Variants in MTMR9 observed in about 807,000 individuals in gnomAD.
MTMR9 encodes myotubularin related protein 9.
Under a neutral mutation model 69.5 loss-of-function variants are expected in MTMR9, and 39 were observed. The observed-to-expected ratio is 0.56, with a 90% CI of 0.43 to 0.73. MTMR9 has a LOEUF of 0.73. Ranked by LOEUF, MTMR9 falls within the 30% of genes least tolerant of loss-of-function variation. The pLI, the probability that MTMR9 is intolerant of heterozygous loss-of-function variation, is 0.00. For missense variants in MTMR9, 900 were observed against 671.2 expected, an observed-to-expected ratio of 1.34 and a Z score of -3.77; for synonymous variants, 354 against 240.8, an observed-to-expected ratio of 1.47 and a Z score of -4.35.
intron 9 of MTMR9, chr8:11,321,229 T>C: frequency 2.9e-6 from 1 of 342,798 alleles, no homozygotes; most frequent in Non-Finnish European, 5.8e-6. Flanking sequence ...GTTCTGGGTG[T>C]GAGCTTTAGT....
chr8:11,329,571 C>T (rs530401432), downstream of MTMR9, among the ~76,000 whole-genome samples: 14 of 152,394 alleles, frequency 9.2e-5, no homozygotes, highest in African/African-American at 3.1e-4. Flanking sequence ...CAGCCTCGGC[C>T]TCCTGAGGTG....
intron 3 of MTMR9, among the ~76,000 whole-genome samples, chr8:11,302,599 G>A (rs1054096505): frequency 1.6e-4 from 24 of 152,144 alleles, no homozygotes; most frequent in Non-Finnish European, 2.8e-4. Context: ...ATCTGATAAA[G>A]GATGGGTACC....
intron 3 of MTMR9, among the ~76,000 whole-genome samples, chr8:11,301,709 A>G (rs888628546): frequency 5.3e-5 from 8 of 151,110 alleles, no homozygotes; most frequent in African/African-American, 2.0e-4. Flanking sequence ...TGTGTAGTCA[A>G]AATGGATTCA....
At chr8:11,329,651 T>A (rs186778325), downstream of MTMR9, among the ~76,000 whole-genome samples, 1,525 of 152,312 alleles carry the variant, frequency 0.01, 24 homozygotes, top group African/African-American at 0.034. Flanking sequence ...AGTGGCGTGA[T>A]CTCGGCTCGC....
chr8:11,296,486 C>T (rs1287484642), intron 2 of MTMR9, among the ~76,000 whole-genome samples: 1 of 152,128 alleles, frequency 6.6e-6, no homozygotes, highest in Non-Finnish European at 1.5e-5. Flanking sequence ...AGCAGATCTC[C>T]AGGACTTTTT....
downstream of MTMR9, among the ~76,000 whole-genome samples, chr8:11,330,253 C>A (rs1228753908): frequency 6.7e-6 from 1 of 149,050 alleles, no homozygotes; most frequent in East Asian, 2.1e-4. Context: ...GGTGGAGGGT[C>A]AGCCCCCCAC....
chr8:11,296,708 C>G (rs745374543), intron 2 of MTMR9, among the ~76,000 whole-genome samples: 2 of 152,074 alleles, frequency 1.3e-5, no homozygotes, highest in Non-Finnish European at 2.9e-5. Flanking sequence ...GTTGTAAATT[C>G]TGACTTTTTA....
chr8:11,294,919 C>T (rs1002657824), intron 1 of MTMR9: 2 of 210,366 alleles, frequency 9.5e-6, no homozygotes, highest in African/African-American at 4.7e-5. Context: ...AGATCTTTTT[C>T]CTATTCTTTG....
At chr8:11,333,425 G>A in the MTMR9 span, among the ~76,000 whole-genome samples, 1 of 152,118 alleles carries the variant, frequency 6.6e-6, no homozygotes, top group African/African-American at 2.4e-5. Context: ...AAAAAATAAG[G>A]GAGAAATTAA....
chr8:11,314,886 A>G (rs767655482), intron 6 of MTMR9, 37 bp from the exon 7 acceptor site: 2 of 1,604,194 alleles, frequency 1.2e-6, no homozygotes, highest in Non-Finnish European at 1.7e-6. Context: ...CATGTTGGAC[A>G]TTTCCCATTT....
At position 11,295,300 on chromosome 8, in the gene MTMR9, G is replaced by C. The variant is rs1563267795; in HGVS notation, c.289G>C (p.Glu97Gln). ...ATGCTTGAATATAGCCAGTTCCATT[G>C]AGGTAAGTATTTTGGAAGCAAAATC... ...EECLNIASSI[E>Q]ALSTLDSITL... The change falls in exon 2 of 10, where the codon GAG (glutamate) becomes CAG (glutamine). Residue 97 changes from glutamate to glutamine, a missense_variant and splice_region_variant. Physicochemically the swap from Glu to Gln is conservative, Grantham distance 29. Coordinates refer to ENST00000221086, the MANE Select transcript of MTMR9 (RefSeq NM_015458.4). The C allele has an allele frequency of 6.4e-7, 1 of 1,557,022 alleles. No individual in the cohort carries two copies. The highest frequency in any genetic ancestry group is 1.7e-5 in the Admixed American group (1 of 58,594).
At position 11,284,867 on chromosome 8, in the gene MTMR9, C is replaced by T; in HGVS notation, c.-22C>T. On this transcript the variant is annotated 5_prime_UTR_variant, in exon 1 of 10. Transcript: ENST00000221086. ...CCTCGCACCTACCGGGCTCGGTTCC[C>T]TGGCTCCGGCCGCGGGGGAGCATGG... is the stretch of plus-strand genomic sequence containing the variant. 6.5e-7 allele frequency: 1 copy of T among 1,537,074 alleles called. No homozygotes were observed. Among genetic ancestry groups the T allele is most frequent in the Admixed American group, 1.9e-5 (1 of 53,200 alleles).
At chr8:11,303,358 C>G (rs988461229) in intron 3 of MTMR9, among the ~76,000 whole-genome samples, 1 of 151,266 alleles carries the variant, frequency 6.6e-6, no homozygotes, top group African/African-American at 2.4e-5. Context: ...AGTGAAAGTT[C>G]AAGAAATAAC....
intron 6 of MTMR9, among the ~76,000 whole-genome samples, chr8:11,313,727 A>G (rs970428903): frequency 1.3e-5 from 2 of 152,240 alleles, no homozygotes; most frequent in African/African-American, 4.8e-5. Context: ...TTGTTGATTA[A>G]GTTCACTGTC....
In MTMR9 at chr8:11,297,477, G is replaced by A. The variant is rs1243431026; in HGVS notation, c.291+2175G>A. On this transcript the variant is annotated intron_variant, in intron 2 of 9. Transcript: ENST00000221086. ...AATGTCCCACTATTTGGGCATTTGG[G>A]CAGAGGAACATTACCCACTTCCATT... Among the ~76,000 whole-genome samples the A allele has an allele frequency of 2.0e-5, 3 of 151,810 alleles. No individual in the cohort carries two copies. The East Asian group carries it at 5.8e-4, about 29-fold the overall frequency.
chr8:11,321,740 G>T (rs1585137625), intron 9 of MTMR9: 1 of 283,976 alleles, frequency 3.5e-6, no homozygotes. Context: ...AGAAATTCCT[G>T]AATTAGAAAA....
chr8:11,332,660 G>A (rs1261317807), downstream of MTMR9, among the ~76,000 whole-genome samples: 1 of 151,644 alleles, frequency 6.6e-6, no homozygotes, highest in East Asian at 1.9e-4. Flanking sequence ...GGAGTGCAGT[G>A]GCATGATCTC....
At chr8:11,338,209 C>G in the MTMR9 span, among the ~76,000 whole-genome samples, 3 of 152,328 alleles carry the variant, frequency 2.0e-5, no homozygotes, top group African/African-American at 7.2e-5. Flanking sequence ...GCCAGAACTT[C>G]CTCGGCAGAG....
chr8:11,306,591 A>G (rs1284541466), intron 5 of MTMR9, among the ~76,000 whole-genome samples, 184 bp downstream of exon 5: 1 of 152,238 alleles, frequency 6.6e-6, no homozygotes, highest in Non-Finnish European at 1.5e-5. Flanking sequence ...ACAAATAAAA[A>G]TTACATGTAT....
Sources: gnomAD v4.1 joint callset for allele counts (sites outside exome capture counted in the v4.1 genomes callset) on GRCh38, gnomAD v4.1.1 for gene constraint, MANE v1.5 for transcripts, NCBI Gene and HGNC (gene_info 2026-07-23, HGNC 2026-07-21) for gene names.